Variants in IQCH observed in about 807,000 individuals in gnomAD.
The protein encoded by IQCH is IQ domain-containing protein H.
Under a neutral mutation model 117.0 loss-of-function variants are expected in IQCH, and 98 were observed. The observed-to-expected ratio is 0.84, with a 90% CI of 0.71 to 0.99. The LOEUF (loss-of-function observed/expected upper bound fraction) is 0.99. Among genes scored for constraint, IQCH ranks in the 50% least tolerant of loss-of-function variants. The pLI is 0.00. For synonymous variants in IQCH, 412 were observed against 448.2 expected, an observed-to-expected ratio of 0.92 and a Z score of 1.02; for missense variants, 1,102 against 1,243.8, an observed-to-expected ratio of 0.89 and a Z score of 1.72.
intron 14 of IQCH, among the ~76,000 whole-genome samples, chr15:67,402,163 C>T (rs1404932056): frequency 1.3e-5 from 2 of 152,166 alleles, no homozygotes; most frequent in African/African-American, 2.4e-5. Flanking sequence ...GCACCAAATA[C>T]ATTTGGCACT....
intron 5 of IQCH, among the ~76,000 whole-genome samples, chr15:67,340,507 T>C (rs1448506342): frequency 8.0e-6 from 1 of 124,284 alleles, no homozygotes; most frequent in African/African-American, 3.1e-5. Flanking sequence ...TATTCTCAAA[T>C]ATAAAATTCT....
rs1371271346 is a variant in IQCH at position 67,424,029 on chromosome 15, C to G, written c.2505+2452C>G. On this transcript the variant is annotated intron_variant, in intron 16 of 20. Coordinates refer to ENST00000335894, the MANE Select transcript of IQCH (RefSeq NM_001031715.3). This position sits in a 1 kb window ranked among gnomAD's most constrained non-coding sequence, Gnocchi z 4.9. ...ACACAGCAGTCAAAAGGATCTTCTC[C>G]AAACACGATGCCAGTCCTTCCTTGG... Among the ~76,000 whole-genome samples, 1 of 152,096 alleles carries G rather than the reference C, an allele frequency of 6.6e-6. No individual in the cohort carries two copies. The highest frequency in any genetic ancestry group is 1.5e-5 in the Non-Finnish European group (1 of 68,012).
intron 2 of IQCH, 58 bp from the exon 3 acceptor site, chr15:67,263,064 A>G: frequency 1.1e-6 from 1 of 899,462 alleles, no homozygotes; most frequent in South Asian, 1.4e-5. Flanking sequence ...AATGAAGTAA[A>G]TTAGCTGAGT....
Position 67,456,257 on chromosome 15 carries a change from G to C in IQCH, c.2506-8870G>C, listed in dbSNP as rs2082655249. Among the ~76,000 whole-genome samples, 1 of 152,170 alleles carries C rather than the reference G, an allele frequency of 6.6e-6. No homozygotes were observed. Among genetic ancestry groups the C allele is most frequent in the Non-Finnish European group, 1.5e-5 (1 of 68,024 alleles). On this transcript the variant is annotated intron_variant, in intron 16 of 20. Transcript: ENST00000335894. This position sits in a 1 kb window ranked among gnomAD's most constrained non-coding sequence, Gnocchi z 5.1. ...CAAATTAATTTTAGATATAGTTTCT[G>C]CATATCATGAACGAATTTCCAAAGT...
intron 3 of IQCH, among the ~76,000 whole-genome samples, chr15:67,278,128 T>C (rs1966205505): frequency 6.6e-6 from 1 of 152,250 alleles, no homozygotes; most frequent in South Asian, 2.1e-4. Flanking sequence ...AGTTGTCTAA[T>C]TGCCCTTCTC....
rs1596321276 is a variant in IQCH at position 67,407,731 on chromosome 15, G to A, written c.2097+7426G>A. Reference sequence around the variant, plus strand: ...GTTTTGCCATTAAATAGGAAGCTTTGTGTAAACTAATTACTAGGTAATCAT... The same window carrying A: ...GTTTTGCCATTAAATAGGAAGCTTTATGTAAACTAATTACTAGGTAATCAT... On this transcript the variant is annotated intron_variant, in intron 14 of 20. Transcript: ENST00000335894. The surrounding 1 kb of genome is among the most constrained non-coding windows in gnomAD (Gnocchi z 5.3). The A allele has an allele frequency of 6.6e-6, 1 of 152,182 alleles. No homozygotes were observed. The allele number at this position is 152,182 out of a possible 1,614,324, so 9.4% of individuals were successfully genotyped here.
chr15:67,396,089 C>G (rs1000390717), intron 13 of IQCH, among the ~76,000 whole-genome samples: 1 of 152,178 alleles, frequency 6.6e-6, no homozygotes, highest in Non-Finnish European at 1.5e-5. Flanking sequence ...ATGTATATAT[C>G]ATTTGGACTA....
rs1165768203 is a variant in IQCH, at chr15:67,431,997, G to A, written c.2505+10420G>A. ...GCTGGCTGCAATAAGCTAGGATCTC[G>A]CCACTGCACTCCAGCCTGGATGACA... On this transcript the variant is annotated intron_variant, in intron 16 of 20. Transcript: ENST00000335894. This position sits in a 1 kb window ranked among gnomAD's most constrained non-coding sequence, Gnocchi z 4.8. 6.6e-6 allele frequency among the ~76,000 whole-genome samples: 1 copy of A among 152,052 alleles called. No homozygotes were observed. The highest frequency in any genetic ancestry group is 2.4e-5 in the African/African-American group (1 of 41,392).
At chr15:67,308,232 A>G (rs1172924541) in intron 4 of IQCH, among the ~76,000 whole-genome samples, 1 of 152,108 alleles carries the variant, frequency 6.6e-6, no homozygotes, top group Non-Finnish European at 1.5e-5. Context: ...CTTTTTCCAA[A>G]AACAGATGTG....
At chr15:67,312,323 A>G (rs765085923) in intron 4 of IQCH, among the ~76,000 whole-genome samples, 1 of 152,080 alleles carries the variant, frequency 6.6e-6, no homozygotes, top group Non-Finnish European at 1.5e-5. Context: ...ATTTTATTTA[A>G]TCCATTTATA....
rs768509493 is a variant in IQCH at position 67,385,749 on chromosome 15, T to C, written c.1456+730T>C. ...AGCTAAGCAATAACATTGAATCTGT[T>C]TGTGAGATACTTGCCAAAAATTCAA... On this transcript the variant is annotated intron_variant, in intron 11 of 20. Transcript: ENST00000335894. The surrounding 1 kb of genome is among the most constrained non-coding windows in gnomAD (Gnocchi z 4.6). Among the ~76,000 whole-genome samples, 1 of 152,162 alleles carries C rather than the reference T, an allele frequency of 6.6e-6. No individual in the cohort carries two copies. Among genetic ancestry groups the C allele is most frequent in the Non-Finnish European group, 1.5e-5 (1 of 68,040 alleles).
intron 16 of IQCH, among the ~76,000 whole-genome samples, chr15:67,435,016 T>A (rs1436043263): frequency 6.6e-6 from 1 of 151,074 alleles, no homozygotes; most frequent in South Asian, 2.1e-4. Context: ...TTAATTTTTT[T>A]AAGCTAATTT....
chr15:67,446,056 TTTC>T (rs2082384150), intron 16 of IQCH, among the ~76,000 whole-genome samples: 1 of 152,182 alleles, frequency 6.6e-6, no homozygotes, highest in Non-Finnish European at 1.5e-5. Context: ...CACAAGGACA[TTTC>T]TAAAGAGGCT....
rs77908898 is a variant in IQCH, at chr15:67,401,901, G to A, written c.2097+1596G>A. Among the ~76,000 whole-genome samples, 834 of 152,172 alleles carry A rather than the reference G, an allele frequency of 5.5e-3. 6 individuals are homozygous for A. Among genetic ancestry groups the A allele is most frequent in the African/African-American group, 0.019 (803 of 41,528 alleles). On this transcript the variant is annotated intron_variant, in intron 14 of 20. Transcript: ENST00000335894. This position sits in a 1 kb window ranked among gnomAD's most constrained non-coding sequence, Gnocchi z 4.7. Reference sequence around the variant, plus strand: ...TATAGATTTTTTTTAAAGCAACACTGTTAAGATTAAACCATAAAAATATGG... The same window carrying A: ...TATAGATTTTTTTTAAAGCAACACTATTAAGATTAAACCATAAAAATATGG...
intron 6 of IQCH, among the ~76,000 whole-genome samples, chr15:67,347,804 T>C (rs1969466979): frequency 6.8e-6 from 1 of 146,342 alleles, no homozygotes; most frequent in Admixed American, 6.9e-5. Context: ...TCTGTCTATA[T>C]ATATATATAG....
At chr15:67,377,573 C>A (rs1970781946) in intron 10 of IQCH, among the ~76,000 whole-genome samples, 1 of 152,122 alleles carries the variant, frequency 6.6e-6, no homozygotes, top group Non-Finnish European at 1.5e-5. Flanking sequence ...TTAATTTAAC[C>A]CCTGTGCTTC....
At chr15:67,399,914 C>G (rs1022503491) in intron 13 of IQCH, among the ~76,000 whole-genome samples, 200 bp from the exon 14 acceptor site, 1 of 152,208 alleles carries the variant, frequency 6.6e-6, no homozygotes, top group Non-Finnish European at 1.5e-5. Flanking sequence ...TGTCTTTGGT[C>G]TCATTGGTTA....
Position 67,256,942 on chromosome 15 carries a change from T to A in IQCH, c.51+1995T>A, listed in dbSNP as rs373075089. Among the ~76,000 whole-genome samples, 7 of 152,340 alleles carry A rather than the reference T, an allele frequency of 4.6e-5. No individual in the cohort carries two copies. In the East Asian group the frequency reaches 7.7e-4, roughly 17 times the overall value. ...TATAGTGAGGAAATTTGGAAGACTT[T>A]CCCTACTTTCTCAGTGAATCCTGAG... is the stretch of plus-strand genomic sequence containing the variant. On this transcript the variant is annotated intron_variant, in intron 1 of 20. Coordinates refer to ENST00000335894, the MANE Select transcript of IQCH (RefSeq NM_001031715.3).
intron 4 of IQCH, among the ~76,000 whole-genome samples, chr15:67,331,192 G>C (rs1412624192): frequency 6.6e-6 from 1 of 152,190 alleles, no homozygotes; most frequent in Non-Finnish European, 1.5e-5. Context: ...GAAAGCAAGG[G>C]AGGGGAAATG....
Sources: allele counts gnomAD v4.1 joint callset (sites outside exome capture counted in the v4.1 genomes callset), GRCh38; gene constraint gnomAD v4.1.1; non-coding constraint Gnocchi (gnomAD v3.1); transcripts MANE v1.5; gene names NCBI Gene and HGNC (gene_info 2026-07-23, HGNC 2026-07-21).